NCR3LG1: variants seen among roughly 807,000 people sequenced by gnomAD.
The protein encoded by NCR3LG1 is natural killer cell cytotoxicity receptor 3 ligand 1, also known as natural cytotoxicity triggering receptor 3 ligand 1.
A neutral mutation model predicts 34.8 loss-of-function variants in NCR3LG1; 35 were observed. That is an observed-to-expected ratio of 1.01 (90% CI 0.77 to 1.33). The LOEUF is 1.33. Ranked by LOEUF, NCR3LG1 falls within the 40% of genes most tolerant of loss-of-function variation. The pLI, the probability that NCR3LG1 is intolerant of heterozygous loss-of-function variation, is 0.00. For synonymous variants in NCR3LG1, 173 were observed against 163.6 expected, an observed-to-expected ratio of 1.06 and a Z score of -0.44; for missense variants, 452 against 423.3, an observed-to-expected ratio of 1.07 and a Z score of -0.60.
Position 17,363,357 on chromosome 11 carries a change from C to T in NCR3LG1, c.422-3652C>T, listed in dbSNP as rs191706905. On this transcript the variant is annotated intron_variant, in intron 2 of 4. Coordinates refer to ENST00000338965, the MANE Select transcript of NCR3LG1 (RefSeq NM_001202439.3). ...TATAAGATTCCATGTTGGTGTTTTTCTCTTTTTTAAGTTTCAATGCTTTAA... is the reference window on the plus strand; with the variant it reads ...TATAAGATTCCATGTTGGTGTTTTTTTCTTTTTTAAGTTTCAATGCTTTAA... Among the ~76,000 whole-genome samples, 382 of 152,192 alleles carry T rather than the reference C, an allele frequency of 2.5e-3. 1 individual carries two copies. The highest frequency in any genetic ancestry group is 8.7e-3 in the African/African-American group (363 of 41,534).
rs570915616 is a variant in NCR3LG1 at position 17,356,624 on chromosome 11, G to A, written c.71-27G>A. 6.2e-6 allele frequency: 9 copies of A among 1,461,854 alleles called. No homozygotes were observed. The Admixed American group carries it at 1.0e-4, about 17-fold the overall frequency. 90.6% of individuals were successfully genotyped at this position (1,461,854 alleles called of 1,614,324 possible). A position where few individuals can be genotyped will look rare whatever the true frequency, so the allele number is the denominator to read the frequency against. The stretch of plus-strand genomic sequence containing the variant: ...AAAGATGTTCATACATTGGTAAACT[G>A]AACATTGTGTCCTCTTATTGCCACA... On this transcript the variant is annotated intron_variant, in intron 1 of 4. Transcript: ENST00000338965.
At chr11:17,353,670 A>C (rs1292038797) in intron 1 of NCR3LG1, among the ~76,000 whole-genome samples, 4 of 152,084 alleles carry the variant, frequency 2.6e-5, no homozygotes, top group Admixed American at 2.0e-4. Flanking sequence ...AGGGAAGCGG[A>C]GAGGGAGGAA....
chr11:17,365,778 TG>T (rs1305202143), intron 2 of NCR3LG1, among the ~76,000 whole-genome samples: 8 of 152,146 alleles, frequency 5.3e-5, no homozygotes, highest in African/African-American at 1.9e-4. Context: ...CATGAAAGTG[TG>T]GTAAGCATCC....
downstream of NCR3LG1, chr11:17,380,920 T>C (rs1953510108): frequency 6.6e-6 from 1 of 152,258 alleles, no homozygotes; most frequent in Non-Finnish European, 1.5e-5. Context: ...AAATATGCTG[T>C]GAACTTAATT....
chr11:17,364,795 C>T (rs912032003), intron 2 of NCR3LG1, among the ~76,000 whole-genome samples: 2 of 152,172 alleles, frequency 1.3e-5, no homozygotes, highest in African/African-American at 4.8e-5. Flanking sequence ...ATCCACCCAC[C>T]TCGGCCTCCC....
Position 17,372,276 on chromosome 11 carries a change from C to G in NCR3LG1, c.1129C>G (p.Pro377Ala). Residue 377 changes from proline to alanine, a missense_variant, in exon 5 of 5, where the codon CCA (proline) becomes GCA (alanine). Pro to Ala is a conservative substitution (Grantham distance 27). Transcript: ENST00000338965. ...VQAFFALRDN[P>A]DLCQCCRIDP... ...AGCCTTCTTTGCCTTGCGAGACAAC[C>G]CAGATCTTTGTCAGTGTTGTAGAAT... 1.4e-6 allele frequency: 1 copy of G among 703,146 alleles called. No homozygotes were observed. Among genetic ancestry groups the G allele is most frequent in the South Asian group, 1.5e-5 (1 of 67,602 alleles). 43.6% of individuals were successfully genotyped at this position (703,146 alleles called of 1,614,324 possible).
intron 2 of NCR3LG1, among the ~76,000 whole-genome samples, chr11:17,364,080 T>G (rs1953317719): frequency 6.6e-6 from 1 of 152,240 alleles, no homozygotes; most frequent in Non-Finnish European, 1.5e-5. Flanking sequence ...TCTTTTCTTC[T>G]TCTTGTATTC....
Position 17,372,076 on chromosome 11 carries a change from C to T in NCR3LG1, c.929C>T (p.Thr310Ile), listed in dbSNP as rs1374103151. The change falls in exon 5 of 5, where the codon ACT becomes ATT. Residue 310 changes from threonine to isoleucine, a missense_variant. Transcript: ENST00000338965. ...CTGAAACACTGGAACTCCTTTGACACTCAGACTCTGAAGAAAGAGCACCTC... is the reference window on the plus strand; with the variant it reads ...CTGAAACACTGGAACTCCTTTGACATTCAGACTCTGAAGAAAGAGCACCTC... The part of the protein sequence containing the change: ...CILKHWNSFD[T>I]QTLKKEHLIF... The T allele has an allele frequency of 1.4e-6, 1 of 702,992 alleles. No homozygotes were observed. Among genetic ancestry groups the T allele is most frequent in the South Asian group, 1.5e-5 (1 of 67,600 alleles). The allele number at this position is 702,992 out of a possible 1,614,324, so 43.5% of individuals were successfully genotyped here.
At chr11:17,364,044 T>C (rs965232575) in intron 2 of NCR3LG1, among the ~76,000 whole-genome samples, 11 of 152,216 alleles carry the variant, frequency 7.2e-5, no homozygotes, top group Non-Finnish European at 1.3e-4. Context: ...CCATTATTTA[T>C]TCAAATTATT....
intron 3 of NCR3LG1, among the ~76,000 whole-genome samples, chr11:17,368,431 G>C (rs1953370970): frequency 6.6e-6 from 1 of 152,124 alleles, no homozygotes; most frequent in African/African-American, 2.4e-5. Flanking sequence ...CCTGGGGAGA[G>C]AGGAATTATT....
rs1219142903 is a variant in NCR3LG1, at chr11:17,351,966, G to A, written c.-4G>A. On this transcript the variant is annotated 5_prime_UTR_variant, in exon 1 of 5. Coordinates refer to ENST00000338965, the MANE Select transcript of NCR3LG1 (RefSeq NM_001202439.3). Reference sequence around the variant, plus strand: ...AAAAAAATTACACAACAGCAGCCGCGGCGATGACGTGGAGGGCTGCCGCCT... The same window carrying A: ...AAAAAAATTACACAACAGCAGCCGCAGCGATGACGTGGAGGGCTGCCGCCT... 2 of 1,530,098 alleles carry A rather than the reference G, an allele frequency of 1.3e-6. No individual in the cohort carries two copies. Among genetic ancestry groups the A allele is most frequent in the Admixed American group, 3.9e-5 (2 of 50,730 alleles). The allele number at this position is 1,530,098 out of a possible 1,614,324, so 94.8% of individuals were successfully genotyped here.
In NCR3LG1 at chr11:17,356,798, A is replaced by G. The variant is rs1391223393; in HGVS notation, c.218A>G (p.Asp73Gly). 1.0e-5 allele frequency: 16 copies of G among 1,536,106 alleles called. No individual in the cohort carries two copies. The highest frequency in any genetic ancestry group is 1.4e-5 in the Non-Finnish European group (16 of 1,146,936). ...ITWFWKSLTF[D>G]KEVKVFEFFG... ...TGGTTTTGGAAGAGTCTGACGTTTG[A>G]CAAAGAAGTCAAAGTCTTTGAATTT... The change falls in exon 2 of 5, where the codon GAC (aspartate) becomes GGC (glycine). Residue 73 changes from aspartate to glycine, a missense_variant. Coordinates refer to ENST00000338965, the MANE Select transcript of NCR3LG1 (RefSeq NM_001202439.3).
intron 2 of NCR3LG1, among the ~76,000 whole-genome samples, chr11:17,359,662 C>T (rs1188796808): frequency 6.6e-6 from 1 of 151,860 alleles, no homozygotes; most frequent in African/African-American, 2.4e-5. Context: ...CAGGTGCCCG[C>T]CACCACGCCT....
At chr11:17,353,713 GGCA>G (rs3064075) in intron 1 of NCR3LG1, among the ~76,000 whole-genome samples, 104,523 of 149,814 alleles carry the variant, frequency 0.7, 37,666 homozygotes, top group African/African-American at 0.92. Context: ...GCCCAGTGAC[GGCA>G]GCAGCAGCAG....
Position 17,373,719 on chromosome 11 carries a change from A to G in NCR3LG1, c.*1207A>G, listed in dbSNP as rs181804989. The G allele has an allele frequency of 2.6e-5, 4 of 152,232 alleles. No homozygotes were observed. The highest frequency in any genetic ancestry group is 2.9e-5 in the Non-Finnish European group (2 of 68,014). The allele number at this position is 152,232 out of a possible 1,614,324, so 9.4% of individuals were successfully genotyped here. ...AGACTTTAACTTGATATTTTTCTCA[A>G]CCTATTAGTTGCAGTCAGAGGGACC... On this transcript the variant is annotated 3_prime_UTR_variant, in exon 5 of 5. Coordinates refer to ENST00000338965, the MANE Select transcript of NCR3LG1 (RefSeq NM_001202439.3).
intron 2 of NCR3LG1, among the ~76,000 whole-genome samples, chr11:17,364,383 G>A (rs1039072874): frequency 6.6e-6 from 1 of 152,016 alleles, no homozygotes; most frequent in Non-Finnish European, 1.5e-5. Context: ...AAGTAGAGAC[G>A]GGGTTTTGCC....
downstream of NCR3LG1, among the ~76,000 whole-genome samples, chr11:17,379,849 T>TTTGAA (rs1380798862): frequency 1.3e-5 from 2 of 152,242 alleles, no homozygotes; most frequent in African/African-American, 4.8e-5. Context: ...GAAGCTGAGC[T>TTTGAA]TTGACCAAAA....
Position 17,368,937 on chromosome 11 carries a change from A to C in NCR3LG1, c.831A>C (p.Leu277Phe). The C allele has an allele frequency of 1.3e-6, 2 of 1,534,292 alleles. No individual in the cohort carries two copies. The highest frequency in any genetic ancestry group is 1.7e-6 in the Non-Finnish European group (2 of 1,145,460). Residue 277 changes from leucine (L) to phenylalanine (F), a missense_variant, in exon 4 of 5, where the codon TTA (leucine) becomes TTC (phenylalanine). Leu to Phe is a conservative substitution (Grantham distance 22). Transcript: ENST00000338965. ...PISFIGVGLV[L>F]LIVLIPWKKI... Reference sequence around the variant, plus strand: ...CATTCATTGGTGTTGGACTGGTTTTATTAATTGTTTTGATTCCTTGGAAAA... The same window carrying C: ...CATTCATTGGTGTTGGACTGGTTTTCTTAATTGTTTTGATTCCTTGGAAAA...
At chr11:17,364,546 C>T (rs1198239992) in intron 2 of NCR3LG1, among the ~76,000 whole-genome samples, 1 of 142,788 alleles carries the variant, frequency 7.0e-6, no homozygotes, top group Admixed American at 6.9e-5. Context: ...CTTTCCTTGT[C>T]AGTTTCTTTT....
Sources: allele counts gnomAD v4.1 joint callset (sites outside exome capture counted in the v4.1 genomes callset), GRCh38; gene constraint gnomAD v4.1.1; transcripts MANE v1.5; gene names NCBI Gene and HGNC (gene_info 2026-07-23, HGNC 2026-07-21).